DOCK1: variants seen among roughly 807,000 people sequenced by gnomAD.
DOCK1 encodes the protein dedicator of cytokinesis protein 1.
A neutral mutation model predicts 262.7 loss-of-function variants in DOCK1; 138 were observed. That is an observed-to-expected ratio of 0.53 (90% confidence interval 0.46 to 0.61). The LOEUF (loss-of-function observed/expected upper bound fraction) is 0.61, where lower values mean the gene tolerates loss of function less well. Among genes scored for constraint, DOCK1 ranks in the 20% least tolerant of loss-of-function variants. DOCK1 has a pLI of 0.00. For missense variants in DOCK1, 1,908 were observed against 2,370.7 expected, an observed-to-expected ratio of 0.80 and a Z score of 4.05; for synonymous variants, 866 against 867.4, an observed-to-expected ratio of 1.00 and a Z score of 0.03.
intron 1 of DOCK1, among the ~76,000 whole-genome samples, chr10:126,922,124 A>G (rs2033256780): frequency 1.4e-5 from 2 of 141,470 alleles, no homozygotes; most frequent in Admixed American, 1.5e-4. Context: ...AGGTGGGAGG[A>G]TTATGTCCCT....
intron 46 of DOCK1, among the ~76,000 whole-genome samples, chr10:127,421,004 C>T (rs181385027): frequency 6.6e-6 from 1 of 151,970 alleles, no homozygotes; most frequent in Non-Finnish European, 1.5e-5. Context: ...GCAACCTCCT[C>T]CTCCGGGGTT....
rs201671800 is a variant in DOCK1, at chr10:126,999,381, T to C, written c.795T>C (p.Ser265=). ...AGAACTACCTGGTTCGCTGGTCCAG[T>C]TCAGGATTACCTAAAGACATAGACA... The part of the protein sequence containing the change: ...ISENYLVRWS[S]SGLPKDIDRL... Residue 265 remains serine (S), a synonymous_variant, in exon 9 of 52, where the codon AGT becomes AGC. Transcript: ENST00000623213. 8.1e-6 allele frequency: 13 copies of C among 1,613,486 alleles called. No individual in the cohort carries two copies. The Admixed American group carries it at 8.3e-5, about 10-fold the overall frequency.
chr10:127,174,516 T>G (rs974534914), intron 27 of DOCK1, among the ~76,000 whole-genome samples: 1 of 152,178 alleles, frequency 6.6e-6, no homozygotes, highest in African/African-American at 2.4e-5. Context: ...CAAGATGGTC[T>G]TATCAACGCA....
chr10:127,032,105 G>A (rs1227511976), intron 17 of DOCK1, 32 bp from the exon 18 acceptor site: 1 of 1,565,204 alleles, frequency 6.4e-7, no homozygotes, highest in Non-Finnish European at 8.7e-7. Flanking sequence ...TTTGTGAATT[G>A]CCTTTGACAT....
At chr10:127,279,225 G>C (rs2060856123) in intron 29 of DOCK1, among the ~76,000 whole-genome samples, 1 of 152,126 alleles carries the variant, frequency 6.6e-6, no homozygotes, top group South Asian at 2.1e-4. Context: ...TATTATTAAA[G>C]GTAATGAAAA....
chr10:127,380,833 G>T (rs1173798734), intron 36 of DOCK1, among the ~76,000 whole-genome samples: 1 of 152,114 alleles, frequency 6.6e-6, no homozygotes, highest in Admixed American at 6.6e-5. Context: ...TCCTTTTTAA[G>T]AACATACTAT....
intron 30 of DOCK1, 70 bp downstream of exon 30, chr10:127,339,154 A>G: frequency 2.3e-6 from 3 of 1,316,422 alleles, no homozygotes; most frequent in Non-Finnish European, 3.2e-6. Context: ...CCGAGCCAGT[A>G]TCTTACAGTA....
chr10:127,439,373 C>A, intron 49 of DOCK1, 148 bp downstream of exon 49: 2 of 772,876 alleles, frequency 2.6e-6, no homozygotes, highest in Non-Finnish European at 4.1e-6. Context: ...CTCCCCTAAC[C>A]TCAAATGTCC....
chr10:127,157,020 C>T (rs536252114), intron 27 of DOCK1, among the ~76,000 whole-genome samples: 3 of 152,254 alleles, frequency 2.0e-5, no homozygotes, highest in South Asian at 2.1e-4. Context: ...GAGACATTTG[C>T]GAATAAGATG....
At chr10:127,372,226 C>A (rs1312168046) in intron 33 of DOCK1, among the ~76,000 whole-genome samples, 1 of 152,144 alleles carries the variant, frequency 6.6e-6, no homozygotes, top group African/African-American at 2.4e-5. Context: ...GTGTACTGAT[C>A]GAGGACAGGC....
In DOCK1 at chr10:127,137,821, C is replaced by T. The variant is rs766456642; in HGVS notation, c.2847+10057C>T. 4 of 1,605,430 alleles carry T rather than the reference C, an allele frequency of 2.5e-6. No homozygotes were observed. In the South Asian group the frequency reaches 4.5e-5, roughly 18 times the overall value. On this transcript the variant is annotated intron_variant, in intron 27 of 51. Transcript: ENST00000623213. ...GGGTTCTAAAGACGGCCTCGAGACT[C>T]CAGACACCGTGAGTGTTAAAGGAAC... is the stretch of plus-strand genomic sequence containing the variant.
intron 23 of DOCK1, 87 bp downstream of exon 23, chr10:127,061,863 A>G: frequency 4.0e-6 from 4 of 998,168 alleles, no homozygotes; most frequent in Non-Finnish European, 4.3e-6. Context: ...GATTACAGTT[A>G]ATTAACTTGC....
chr10:127,017,760 T>A (rs919678961), intron 12 of DOCK1, among the ~76,000 whole-genome samples: 1 of 152,128 alleles, frequency 6.6e-6, no homozygotes, highest in Admixed American at 6.5e-5. Context: ...AGCACCCCCA[T>A]GTGCTGGCTT....
chr10:126,943,629 A>G (rs1412465102), intron 1 of DOCK1, among the ~76,000 whole-genome samples: 1 of 152,194 alleles, frequency 6.6e-6, no homozygotes, highest in Non-Finnish European at 1.5e-5. Flanking sequence ...GGGATACAAT[A>G]GGGACTGAAG....
chr10:127,255,930 A>G (rs934791250), intron 28 of DOCK1, among the ~76,000 whole-genome samples: 1 of 152,238 alleles, frequency 6.6e-6, no homozygotes, highest in Admixed American at 6.5e-5. Context: ...ATGAATTTCA[A>G]TAATTAAACT....
chr10:127,066,730 G>A (rs969042686), intron 23 of DOCK1, among the ~76,000 whole-genome samples: 1 of 152,168 alleles, frequency 6.6e-6, no homozygotes, highest in African/African-American at 2.4e-5. Flanking sequence ...CTTATTGATC[G>A]CCTGCTGTTC....
chr10:127,333,731 G>T (rs1419415167), intron 29 of DOCK1, among the ~76,000 whole-genome samples: 3 of 152,280 alleles, frequency 2.0e-5, no homozygotes, highest in Admixed American at 6.5e-5. Flanking sequence ...GCAGAGCCTC[G>T]CCGGCCACAC....
rs547937599 is a variant in DOCK1, at chr10:127,432,842, G to T, written c.4915-441G>T. ...GAGCATGTTATTTTTGTCTAGAGGA[G>T]GTCAGTCATTATGGATTCATGCATT... On this transcript the variant is annotated intron_variant, in intron 47 of 51. Coordinates refer to ENST00000623213, the MANE Select transcript of DOCK1 (RefSeq NM_001290223.2). 2.0e-5 allele frequency among the ~76,000 whole-genome samples: 3 copies of T among 152,228 alleles called. No individual in the cohort carries two copies. In the East Asian group the frequency reaches 5.8e-4, roughly 29 times the overall value.
chr10:126,944,134 G>A (rs2035219222), intron 1 of DOCK1, among the ~76,000 whole-genome samples: 2 of 151,756 alleles, frequency 1.3e-5, no homozygotes, highest in South Asian at 2.1e-4. Context: ...TGGTGGTGGG[G>A]GTGGGGAGGA....
Sources: allele counts gnomAD v4.1 joint callset (sites outside exome capture counted in the v4.1 genomes callset), GRCh38; gene constraint gnomAD v4.1.1; transcripts MANE v1.5; gene names NCBI Gene and HGNC (gene_info 2026-07-23, HGNC 2026-07-21).